Variants in MAP4K3 observed in about 807,000 individuals in gnomAD.
MAP4K3 encodes the protein MAPK/ERK kinase kinase kinase 3.
In MAP4K3, 94 loss-of-function variants were observed where a neutral mutation model predicts 143.5. The ratio of observed to expected loss-of-function variants is 0.65; its 90% confidence interval spans 0.55 to 0.78. The LOEUF (loss-of-function observed/expected upper bound fraction) is 0.78, where lower values mean the gene tolerates loss of function less well. Among genes scored for constraint, MAP4K3 ranks in the 30% least tolerant of loss-of-function variants. The pLI is 0.00. For missense variants in MAP4K3, 1,077 were observed against 1,068.1 expected, an observed-to-expected ratio of 1.01 and a Z score of -0.12; for synonymous variants, 416 against 347.2, an observed-to-expected ratio of 1.20 and a Z score of -2.20.
chr2:39,280,012 T>G (rs1681447647), intron 23 of MAP4K3, among the ~76,000 whole-genome samples: 1 of 152,086 alleles, frequency 6.6e-6, no homozygotes. Context: ...GAAACATTTC[T>G]GGAGGAAACT....
intron 2 of MAP4K3, among the ~76,000 whole-genome samples, chr2:39,372,705 T>C (rs1047995372): frequency 2.0e-5 from 3 of 152,114 alleles, no homozygotes; most frequent in Non-Finnish European, 4.4e-5. Flanking sequence ...GTCTCTTCAA[T>C]AAGTGGTGCT....
At chr2:39,383,608 T>C (rs770555893) in intron 1 of MAP4K3, among the ~76,000 whole-genome samples, 7 of 151,988 alleles carry the variant, frequency 4.6e-5, no homozygotes, top group Non-Finnish European at 1.0e-4. Context: ...ATGCCTATTG[T>C]ACCGGTAGAA....
intron 16 of MAP4K3, among the ~76,000 whole-genome samples, chr2:39,297,513 A>G (rs1682332233): frequency 6.6e-6 from 1 of 152,196 alleles, no homozygotes; most frequent in African/African-American, 2.4e-5. Context: ...AAAAGGAGAC[A>G]AGCAAGTATA....
intron 22 of MAP4K3, among the ~76,000 whole-genome samples, chr2:39,280,906 A>C (rs1188761433): frequency 6.6e-6 from 1 of 152,154 alleles, no homozygotes; most frequent in Non-Finnish European, 1.5e-5. Flanking sequence ...TTCCCTGGAA[A>C]GATTCATTAA....
chr2:39,272,259 T>C, intron 26 of MAP4K3, 24 bp downstream of exon 26: 1 of 1,478,460 alleles, frequency 6.8e-7, no homozygotes, highest in Non-Finnish European at 9.4e-7. Flanking sequence ...TAATATCATA[T>C]TGCCTCTAAG....
chr2:39,288,976 C>T (rs889866965), intron 19 of MAP4K3, among the ~76,000 whole-genome samples: 2 of 152,102 alleles, frequency 1.3e-5, no homozygotes, highest in Non-Finnish European at 2.9e-5. Context: ...GGCATGAATC[C>T]GGGAGGCGTA....
chr2:39,279,745 C>T (rs761808267), intron 23 of MAP4K3, among the ~76,000 whole-genome samples: 2 of 151,880 alleles, frequency 1.3e-5, no homozygotes, highest in African/African-American at 2.4e-5. Context: ...CCCAGGACTT[C>T]GAGACCAGCC....
intron 16 of MAP4K3, among the ~76,000 whole-genome samples, chr2:39,295,396 T>C (rs1211012050): frequency 1.3e-5 from 2 of 152,034 alleles, no homozygotes; most frequent in East Asian, 1.9e-4. Context: ...TTGAATACTA[T>C]AAATATTGAT....
In MAP4K3 at chr2:39,309,445, A is replaced by C; in HGVS notation, c.1056+16T>G. 1 of 1,559,518 alleles carries C rather than the reference A, an allele frequency of 6.4e-7. No individual in the cohort carries two copies. The highest frequency in any genetic ancestry group is 1.2e-5 in the South Asian group (1 of 84,256). ...ATTTATTTTCAGTGCTAACATTCTAAGGCTATACTACTTACAAGTTCATGA... is the reference window on the plus strand; with the variant it reads ...ATTTATTTTCAGTGCTAACATTCTACGGCTATACTACTTACAAGTTCATGA... On this transcript the variant is annotated intron_variant, in intron 14 of 33. Transcript: ENST00000263881.
rs1403052916 is a variant in MAP4K3, at chr2:39,378,120, G to A, written c.100C>T (p.Arg34Trp). The change falls in exon 2 of 34, where the codon CGG becomes TGG. Residue 34 changes from arginine to tryptophan, a missense_variant. By Grantham distance (101) the Arg-to-Trp change is moderately radical. Around this residue, in one of 2 missense-constraint regions of MAP4K3, gnomAD observed 213 missense variants for 266.8 expected, o/e 0.80. Transcript: ENST00000263881. ...SGTYGDVYKA[R>W]NVNTGELAAI... Reference sequence around the variant, plus strand: ...GCTAATTCACCAGTGTTAACATTCCGTGCCTAAAAGAAAGAGGAAAAAAGG... The same window carrying A: ...GCTAATTCACCAGTGTTAACATTCCATGCCTAAAAGAAAGAGGAAAAAAGG... 7 of 1,572,180 alleles carry A rather than the reference G, an allele frequency of 4.5e-6. No homozygotes were observed. The highest frequency in any genetic ancestry group is 4.3e-6 in the Non-Finnish European group (5 of 1,157,196).
intron 12 of MAP4K3, among the ~76,000 whole-genome samples, chr2:39,321,388 A>T (rs4262928): frequency 6.6e-6 from 1 of 152,340 alleles, no homozygotes; most frequent in African/African-American, 2.4e-5. Context: ...AGATGCTTGA[A>T]GGCAGCATGC....
At chr2:39,381,948 C>T (rs142741710) in intron 1 of MAP4K3, among the ~76,000 whole-genome samples, 1 of 152,078 alleles carries the variant, frequency 6.6e-6, no homozygotes, top group Non-Finnish European at 1.5e-5. Context: ...TCCCCCACCA[C>T]ATACTCCCAT....
chr2:39,320,161 G>A (rs1441758318), intron 12 of MAP4K3, among the ~76,000 whole-genome samples: 1 of 152,086 alleles, frequency 6.6e-6, no homozygotes, highest in East Asian at 1.9e-4. Flanking sequence ...CCCAGTGAAT[G>A]TTCATCGAGT....
At chr2:39,336,080 A>AACT (rs1664946950) in intron 6 of MAP4K3, among the ~76,000 whole-genome samples, 2 of 152,188 alleles carry the variant, frequency 1.3e-5, no homozygotes, top group African/African-American at 4.8e-5. Context: ...TATCTTTAGA[A>AACT]ATATGCTAAG....
chr2:39,428,719 A>G (rs1665178499), intron 1 of MAP4K3, among the ~76,000 whole-genome samples: 2 of 152,070 alleles, frequency 1.3e-5, no homozygotes, highest in African/African-American at 4.8e-5. Context: ...AAAAATGGAT[A>G]TCTTTTTAAA....
intron 1 of MAP4K3, among the ~76,000 whole-genome samples, chr2:39,431,082 C>A (rs967769838): frequency 5.3e-5 from 8 of 152,206 alleles, no homozygotes; most frequent in African/African-American, 1.9e-4. Flanking sequence ...TGGATTTATA[C>A]TCTAGTGGGA....
At chr2:39,263,783 C>G (rs1031028137) in intron 28 of MAP4K3, among the ~76,000 whole-genome samples, 1 of 152,084 alleles carries the variant, frequency 6.6e-6, no homozygotes, top group Non-Finnish European at 1.5e-5. Flanking sequence ...GGCCAAGCAC[C>G]CTGGTACCAT....
chr2:39,253,861 A>C (rs1680244811), intron 32 of MAP4K3, among the ~76,000 whole-genome samples: 1 of 152,204 alleles, frequency 6.6e-6, no homozygotes, highest in African/African-American at 2.4e-5. Flanking sequence ...ATAAATGTTG[A>C]ACTGACTTGA....
chr2:39,412,431 C>T (rs1558854), intron 1 of MAP4K3, among the ~76,000 whole-genome samples: 116,636 of 152,062 alleles, frequency 0.77, 46,129 homozygotes, highest in Non-Finnish European at 0.86. Flanking sequence ...CCTGATCCCA[C>T]GAAGCTTACA....
Sources: gnomAD v4.1 joint callset for allele counts (sites outside exome capture counted in the v4.1 genomes callset) on GRCh38, gnomAD v4.1.1 for gene constraint, gnomAD v4.1.1 regional missense constraint, MANE v1.5 for transcripts, NCBI Gene and HGNC (gene_info 2026-07-23, HGNC 2026-07-21) for gene names.